Variants in NAALADL2 observed in about 807,000 individuals in gnomAD.
NAALADL2 encodes inactive N-acetylated-alpha-linked acidic dipeptidase-like protein 2.
NAALADL2 carries 76 observed loss-of-function variants against 87.2 expected under a neutral mutation model. The observed-to-expected ratio is 0.87, with a 90% CI of 0.72 to 1.05. The LOEUF (loss-of-function observed/expected upper bound fraction) is 1.05. Ranked by LOEUF, NAALADL2 falls within the 50% of genes least tolerant of loss-of-function variation. The pLI is 0.00. For missense variants in NAALADL2, 1,089 were observed against 945.8 expected (o/e 1.15, Z -1.99); for synonymous variants, 354 against 331.0 (o/e 1.07, Z -0.75).
intron 2 of NAALADL2, among the ~76,000 whole-genome samples, chr3:174,695,118 A>G (rs1380877801): frequency 3.3e-5 from 5 of 152,056 alleles, no homozygotes; most frequent in East Asian, 1.9e-4. Flanking sequence ...TCACTTAGGT[A>G]TAAGATTCAA....
intron 1 of NAALADL2, among the ~76,000 whole-genome samples, chr3:174,527,206 C>T (rs1720845514): frequency 6.6e-6 from 1 of 152,018 alleles, no homozygotes; most frequent in Admixed American, 6.6e-5. Flanking sequence ...GTTAAGAAAA[C>T]AGACATATAT....
intron 1 of NAALADL2, among the ~76,000 whole-genome samples, chr3:174,876,935 C>T (rs1448008088): frequency 6.6e-6 from 1 of 152,126 alleles, no homozygotes; most frequent in East Asian, 1.9e-4. Context: ...TTGGTGAGGG[C>T]TCTCTTCCTG....
intron 4 of NAALADL2, among the ~76,000 whole-genome samples, chr3:175,285,854 C>T (rs1193073400): frequency 6.6e-6 from 1 of 152,010 alleles, no homozygotes; most frequent in Non-Finnish European, 1.5e-5. Context: ...ATTAACCACT[C>T]CAGTTATTTC....
Position 174,827,506 on chromosome 3 carries a change from G to A in NAALADL2, c.-9+89760G>A, listed in dbSNP as rs1452049374. Among the ~76,000 whole-genome samples the A allele has an allele frequency of 5.9e-5, 9 of 152,208 alleles. No homozygotes were observed. The East Asian group carries it at 1.7e-3, about 29-fold the overall frequency. On this transcript the variant is annotated intron_variant, in intron 3 of 3. Coordinates refer to the NAALADL2 transcript ENST00000434257. ...ACATCACTTCTCTCTGACCGTTTTT[G>A]GTGTCTGTTCATCTTGTACTCTTAG... is the stretch of plus-strand genomic sequence containing the variant.
chr3:174,521,308 A>G (rs999542994), intron 1 of NAALADL2, among the ~76,000 whole-genome samples: 1 of 152,110 alleles, frequency 6.6e-6, no homozygotes, highest in Non-Finnish European at 1.5e-5. Flanking sequence ...TTTGGTCATA[A>G]AAAAGAATAA....
At chr3:175,182,539 C>T (rs1485291933) in intron 2 of NAALADL2, among the ~76,000 whole-genome samples, 1 of 141,826 alleles carries the variant, frequency 7.1e-6, no homozygotes, top group Admixed American at 7.1e-5. Context: ...AAGTCCATGA[C>T]ACCACAGCCA....
intron 7 of NAALADL2, among the ~76,000 whole-genome samples, chr3:175,465,805 T>C (rs1412570770): frequency 6.6e-6 from 1 of 152,184 alleles, no homozygotes; most frequent in African/African-American, 2.4e-5. Context: ...ATCAAATCCA[T>C]TGCCAATTCC....
chr3:175,798,810 CCAT>C (rs1753801796), intron 13 of NAALADL2, among the ~76,000 whole-genome samples: 1 of 152,088 alleles, frequency 6.6e-6, no homozygotes, highest in African/African-American at 2.4e-5. Context: ...ATGTGAATTG[CCAT>C]CACAGGATTA....
chr3:175,776,870 G>T (rs1750318530), intron 13 of NAALADL2, among the ~76,000 whole-genome samples: 1 of 151,952 alleles, frequency 6.6e-6, no homozygotes, highest in Non-Finnish European at 1.5e-5. Context: ...TCTTTATTAT[G>T]CTCAGAAAAT....
chr3:175,721,766 G>T (rs944991229), intron 11 of NAALADL2, among the ~76,000 whole-genome samples: 1 of 152,028 alleles, frequency 6.6e-6, no homozygotes, highest in Admixed American at 6.6e-5. Context: ...TATAAGAGCT[G>T]GGATGGGAGG....
intron 2 of NAALADL2, among the ~76,000 whole-genome samples, chr3:174,595,320 C>T (rs1258947200): frequency 1.3e-5 from 2 of 152,088 alleles, no homozygotes; most frequent in Non-Finnish European, 1.5e-5. Context: ...ATTTGTAGGG[C>T]TACTTTCTAG....
chr3:175,764,031 T>C (rs186496739), intron 13 of NAALADL2, among the ~76,000 whole-genome samples: 1 of 152,114 alleles, frequency 6.6e-6, no homozygotes, highest in East Asian at 1.9e-4. Context: ...TAGATAGAAA[T>C]AGGACTCTTA....
intron 4 of NAALADL2, among the ~76,000 whole-genome samples, chr3:175,315,306 G>A (rs981554215): frequency 1.3e-5 from 2 of 152,230 alleles, no homozygotes; most frequent in Non-Finnish European, 2.9e-5. Flanking sequence ...GTGATTCTTT[G>A]AGCTAAATAA....
At chr3:175,263,060 G>C (rs895641080) in intron 4 of NAALADL2, among the ~76,000 whole-genome samples, 1 of 150,554 alleles carries the variant, frequency 6.6e-6, no homozygotes, top group Non-Finnish European at 1.5e-5. Flanking sequence ...CTCCAGAGCT[G>C]CTCCATTTGT....
At chr3:175,756,512 G>A (rs1747280358) in intron 13 of NAALADL2, among the ~76,000 whole-genome samples, 1 of 152,136 alleles carries the variant, frequency 6.6e-6, no homozygotes, top group African/African-American at 2.4e-5. Context: ...ATGAAATCAT[G>A]TCTGTCACAG....
At chr3:175,484,782 C>G (rs538426923) in intron 9 of NAALADL2, among the ~76,000 whole-genome samples, 1 of 152,246 alleles carries the variant, frequency 6.6e-6, no homozygotes, top group South Asian at 2.1e-4. Context: ...TACCCAGGAG[C>G]ATGAACACTT....
At chr3:175,611,819 A>T (rs1724694010) in intron 10 of NAALADL2, among the ~76,000 whole-genome samples, 1 of 152,206 alleles carries the variant, frequency 6.6e-6, no homozygotes, top group Admixed American at 6.5e-5. Context: ...TGAGAGACAA[A>T]CTAAGCCATA....
At chr3:175,317,567 T>A (rs748167335) in intron 4 of NAALADL2, among the ~76,000 whole-genome samples, 6 of 152,052 alleles carry the variant, frequency 3.9e-5, no homozygotes, top group Middle Eastern at 6.8e-3. Flanking sequence ...TTGTCCTACT[T>A]CTCTCCATAT....
At chr3:174,932,396 T>C (rs892950303) in intron 1 of NAALADL2, among the ~76,000 whole-genome samples, 2 of 152,186 alleles carry the variant, frequency 1.3e-5, no homozygotes, top group African/African-American at 4.8e-5. Context: ...CTTCCAAATA[T>C]TAGCTTGTTA....
Sources: allele counts gnomAD v4.1 joint callset (sites outside exome capture counted in the v4.1 genomes callset), GRCh38; gene constraint gnomAD v4.1.1; transcripts MANE v1.5; gene names NCBI Gene and HGNC (gene_info 2026-07-23, HGNC 2026-07-21).